KRR1: variants seen among roughly 807,000 people sequenced by gnomAD.
The protein encoded by KRR1 is KRR1 small subunit processome component homolog.
A neutral mutation model predicts 50.0 loss-of-function variants in KRR1; 23 were observed. That is an observed-to-expected ratio of 0.46 (90% CI 0.33 to 0.65). The LOEUF is 0.65. Among genes scored for constraint, KRR1 ranks in the 30% least tolerant of loss-of-function variants. The pLI is 0.02. For synonymous variants in KRR1, 133 were observed against 146.3 expected (o/e 0.91, Z 0.66); for missense variants, 419 against 442.4 (o/e 0.95, Z 0.47).
Position 75,499,966 on chromosome 12 carries a change from A to G in KRR1, c.1004-15T>C. 1.3e-6 allele frequency: 2 copies of G among 1,583,712 alleles called. No homozygotes were observed. The highest frequency in any genetic ancestry group is 1.7e-6 in the Non-Finnish European group (2 of 1,166,694). ...TTCAGTAGAAGCTAGACAAATTAAA[A>G]GCACAACACATGTAATACTTTAGAT... On this transcript the variant is annotated splice_polypyrimidine_tract_variant and intron_variant, in intron 9 of 9. Coordinates refer to ENST00000229214, the MANE Select transcript of KRR1 (RefSeq NM_007043.7).
rs1009375254 is a variant in KRR1 at position 75,491,588 on chromosome 12, A to G, written c.*8221T>C. ...TATTGCCAAATTACATTCCACCATT[A>G]TATCAATTTGTATTTCACCATCAGT... is the stretch of plus-strand genomic sequence containing the variant. On this transcript the variant is annotated 3_prime_UTR_variant, in exon 10 of 10. Coordinates refer to ENST00000229214, the MANE Select transcript of KRR1 (RefSeq NM_007043.7). 6.6e-6 allele frequency: 1 copy of G among 152,142 alleles called. No homozygotes were observed. Among genetic ancestry groups the G allele is most frequent in the African/African-American group, 2.4e-5 (1 of 41,432 alleles). The allele number at this position is 152,142 out of a possible 1,614,324, so 9.4% of individuals were successfully genotyped here. A position where few individuals can be genotyped will look rare whatever the true frequency, so the allele number is the denominator to read the frequency against.
intron 9 of KRR1, chr12:75,501,490 C>T: frequency 4.5e-6 from 2 of 446,938 alleles, no homozygotes; most frequent in Non-Finnish European, 7.9e-6. Flanking sequence ...CTTTTCCAAG[C>T]ACAGACCAGA....
chr12:75,508,228 C>A, intron 2 of KRR1, 46 bp downstream of exon 2: 4 of 1,385,564 alleles, frequency 2.9e-6, no homozygotes, highest in Non-Finnish European at 1.9e-6. Context: ...AAGGCATAAG[C>A]AAGAGCAAAG....
Position 75,508,274 on chromosome 12 carries a change from A to G in KRR1, c.258T>C (p.His86=). The change falls in exon 2 of 10, where the codon CAT becomes CAC. Residue 86 remains histidine, a splice_region_variant and synonymous_variant. Transcript: ENST00000229214. ...WPLVQKALNE[H]HVNATLDLIE... ...ATGTATTGATATAAGATACACATAC[A>G]TGTTCATTTAAGGCTTTCTGCACCA... 1 of 1,604,186 alleles carries G rather than the reference A, an allele frequency of 6.2e-7. No individual in the cohort carries two copies. The highest frequency in any genetic ancestry group is 1.1e-5 in the South Asian group (1 of 89,706).
chr12:75,500,482 T>C (rs2046384637), intron 9 of KRR1: 1 of 105,770 alleles, frequency 9.5e-6, no homozygotes, highest in African/African-American at 2.6e-5. Context: ...ATTAATTGAA[T>C]ATTCAATGAA....
At position 75,493,713 on chromosome 12, in the gene KRR1, A is replaced by G. The variant is rs1340516054; in HGVS notation, c.*6096T>C. 1 of 152,216 alleles carries G rather than the reference A, an allele frequency of 6.6e-6. No homozygotes were observed. The highest frequency in any genetic ancestry group is 1.5e-5 in the Non-Finnish European group (1 of 68,070). The allele number at this position is 152,216 out of a possible 1,614,324, so 9.4% of individuals were successfully genotyped here. A position where few individuals can be genotyped will look rare whatever the true frequency, so the allele number is the denominator to read the frequency against. ...CTCTTCTCTCTCAGGCTACCAGGGA[A>G]AACATTGAAATGTCCTGTTGCTTTA... is the stretch of plus-strand genomic sequence containing the variant. On this transcript the variant is annotated 3_prime_UTR_variant, in exon 10 of 10. Transcript: ENST00000229214.
In KRR1 at chr12:75,511,495, G is replaced by A. The variant is rs747426765; in HGVS notation, c.85+18C>T. The A allele has an allele frequency of 1.9e-6, 3 of 1,605,428 alleles. No individual in the cohort carries two copies. Among genetic ancestry groups the A allele is most frequent in the Admixed American group, 3.5e-5 (2 of 57,676 alleles). ...CAACGTACACAAACCCCAGGCTTCG[G>A]TTCCCACATAACATCACCTTGGTTC... On this transcript the variant is annotated intron_variant, in intron 1 of 9. Coordinates refer to ENST00000229214, the MANE Select transcript of KRR1 (RefSeq NM_007043.7).
chr12:75,505,301 G>C (rs759805887), intron 5 of KRR1, 47 bp from the exon 6 acceptor site: 1 of 1,537,214 alleles, frequency 6.5e-7, no homozygotes, highest in East Asian at 2.4e-5. Flanking sequence ...ATTTTAATGA[G>C]CTATGGAGAA....
chr12:75,504,225 A>G (rs946905384), intron 6 of KRR1, 151 bp from the exon 7 acceptor site: 14 of 469,380 alleles, frequency 3.0e-5, no homozygotes, highest in Non-Finnish European at 4.9e-5. Context: ...GCAAAAAGGT[A>G]GGTTATCACA....
Position 75,495,475 on chromosome 12 carries a change from C to T in KRR1, c.*4334G>A, listed in dbSNP as rs959601976. 2.6e-5 allele frequency: 17 copies of T among 661,898 alleles called. No homozygotes were observed. Among genetic ancestry groups the T allele is most frequent in the Non-Finnish European group, 4.7e-5 (17 of 359,382 alleles). The allele number at this position is 661,898 out of a possible 1,614,324, so 41.0% of individuals were successfully genotyped here. A position where few individuals can be genotyped will look rare whatever the true frequency, so the allele number is the denominator to read the frequency against. On this transcript the variant is annotated 3_prime_UTR_variant, in exon 10 of 10. Coordinates refer to ENST00000229214, the MANE Select transcript of KRR1 (RefSeq NM_007043.7). Reference sequence around the variant, plus strand: ...ATTACCAACTCTCTGGACCTTTGTACTTCACTCCACTATTCTTCTGGATTT... The same window carrying T: ...ATTACCAACTCTCTGGACCTTTGTATTTCACTCCACTATTCTTCTGGATTT...
Position 75,497,183 on chromosome 12 carries a change from A to G in KRR1, c.*2626T>C, listed in dbSNP as rs1004248400. On this transcript the variant is annotated 3_prime_UTR_variant, in exon 10 of 10. Coordinates refer to ENST00000229214, the MANE Select transcript of KRR1 (RefSeq NM_007043.7). The stretch of plus-strand genomic sequence containing the variant: ...TTTCTGCTTCTATTTTTTTCAACGA[A>G]ACAACCCAGTGAAAAAAATGTTTCC... The G allele has an allele frequency of 6.6e-6, 1 of 152,198 alleles. No individual in the cohort carries two copies. Among genetic ancestry groups the G allele is most frequent in the African/African-American group, 2.4e-5 (1 of 41,454 alleles). 9.4% of individuals were successfully genotyped at this position (152,198 alleles called of 1,614,324 possible).
At chr12:75,506,294 G>A (rs779622275) in intron 5 of KRR1, 22 bp downstream of exon 5, 30 of 1,432,582 alleles carry the variant, frequency 2.1e-5, no homozygotes, top group East Asian at 9.4e-5. Context: ...AAAATGAATC[G>A]AAGATAATAC....
At position 75,498,710 on chromosome 12, in the gene KRR1, C is replaced by A; in HGVS notation, c.*1099G>T. On this transcript the variant is annotated 3_prime_UTR_variant, in exon 10 of 10. Transcript: ENST00000229214. ...ACTTTACAGTTAACCGACAGCGAGA[C>A]CAAGTCAAACGTACGTACATCAATC... 2 of 1,612,716 alleles carry A rather than the reference C, an allele frequency of 1.2e-6. No individual in the cohort carries two copies. The highest frequency in any genetic ancestry group is 1.7e-6 in the Non-Finnish European group (2 of 1,179,042).
At chr12:75,503,750 A>G in intron 7 of KRR1, 154 bp downstream of exon 7, 1 of 622,870 alleles carries the variant, frequency 1.6e-6, no homozygotes, top group Admixed American at 3.1e-5. Context: ...AAATATGCCT[A>G]TTTATATTTA....
In KRR1 at chr12:75,499,476, A is replaced by G. The variant is rs182426391; in HGVS notation, c.*333T>C. 3.0e-4 allele frequency: 50 copies of G among 167,340 alleles called. No individual in the cohort carries two copies. The highest frequency in any genetic ancestry group is 1.7e-3 in the East Asian group (10 of 5,910). The allele number at this position is 167,340 out of a possible 1,614,324, so 10.4% of individuals were successfully genotyped here. A position where few individuals can be genotyped will look rare whatever the true frequency, so the allele number is the denominator to read the frequency against. On this transcript the variant is annotated 3_prime_UTR_variant, in exon 10 of 10. Coordinates refer to ENST00000229214, the MANE Select transcript of KRR1 (RefSeq NM_007043.7). The stretch of plus-strand genomic sequence containing the variant: ...GTTAAAAGTAAAACCAAACTTTCAA[A>G]AGGGATAAACCTAAATATTTACTTG...
At position 75,498,700 on chromosome 12, in the gene KRR1, G is replaced by C; in HGVS notation, c.*1109C>G. 1 of 1,611,668 alleles carries C rather than the reference G, an allele frequency of 6.2e-7. No homozygotes were observed. The highest frequency in any genetic ancestry group is 8.5e-7 in the Non-Finnish European group (1 of 1,178,416). On this transcript the variant is annotated 3_prime_UTR_variant, in exon 10 of 10. Transcript: ENST00000229214. ...CTTCCCCCTAACTTTACAGTTAACC[G>C]ACAGCGAGACCAAGTCAAACGTACG...
intron 2 of KRR1, 79 bp from the exon 3 acceptor site, chr12:75,506,995 C>A: frequency 1.6e-6 from 2 of 1,214,474 alleles, no homozygotes; most frequent in South Asian, 3.4e-5. Context: ...CCTAACCAAC[C>A]TATTAATTTC....
chr12:75,501,727 CTTAGG>C lies in KRR1; in HGVS notation c.994_998del (p.Pro332GlyfsTer5). 1 of 1,597,442 alleles carries C rather than the reference CTTAGG, an allele frequency of 6.3e-7. No individual in the cohort carries two copies. The highest frequency in any genetic ancestry group is 8.6e-7 in the Non-Finnish European group (1 of 1,166,654). Reference sequence around the variant, plus strand: ...TTACATCATAGAAAGCATTACCTTCCTTAGGTTTCACAATTGGTTTTTCCTTAGGT... The same window carrying C: ...TTACATCATAGAAAGCATTACCTTCCTTTCACAATTGGTTTTTCCTTAGGT... On this transcript the variant is annotated frameshift_variant, in exon 9 of 10. Coordinates refer to ENST00000229214, the MANE Select transcript of KRR1 (RefSeq NM_007043.7). LOFTEE classifies it high-confidence loss of function.
rs2046325811 is a variant in KRR1, at chr12:75,491,916, T to A, written c.*7893A>T. On this transcript the variant is annotated 3_prime_UTR_variant, in exon 10 of 10. Coordinates refer to ENST00000229214, the MANE Select transcript of KRR1 (RefSeq NM_007043.7). Reference sequence around the variant, plus strand: ...AAAGAAAGCCATTTCCCTGGTGTAATGTGCAGAAGACATGCTCGATACTCT... The same window carrying A: ...AAAGAAAGCCATTTCCCTGGTGTAAAGTGCAGAAGACATGCTCGATACTCT... 6.6e-6 allele frequency: 1 copy of A among 152,172 alleles called. No individual in the cohort carries two copies. Among genetic ancestry groups the A allele is most frequent in the Non-Finnish European group, 1.5e-5 (1 of 68,028 alleles). The allele number at this position is 152,172 out of a possible 1,614,324, so 9.4% of individuals were successfully genotyped here.
Sources: gnomAD v4.1 joint callset for allele counts on GRCh38, gnomAD v4.1.1 for gene constraint, MANE v1.5 for transcripts, NCBI Gene and HGNC (gene_info 2026-07-23, HGNC 2026-07-21) for gene names.